The following PCCA variants were observed in gnomAD, a reference collection of about 807,000 sequenced individuals.
The protein encoded by PCCA is propionyl-CoA carboxylase alpha chain, mitochondrial.
In PCCA, 74 loss-of-function variants were observed where a neutral mutation model predicts 101.3. The observed-to-expected ratio is 0.73, with a 90% CI of 0.61 to 0.89. The LOEUF is 0.89. Ranked by LOEUF, PCCA falls within the 40% of genes least tolerant of loss-of-function variation. The probability of loss-of-function intolerance (pLI) is 0.00; values close to 1 mark genes in which losing one functional copy is unlikely to be tolerated. For synonymous variants in PCCA, 294 were observed against 313.6 expected, an observed-to-expected ratio of 0.94 and a Z score of 0.66; for missense variants, 891 against 907.0, an observed-to-expected ratio of 0.98 and a Z score of 0.23.
intron 8 of PCCA, among the ~76,000 whole-genome samples, chr13:100,255,139 T>C (rs1264950247): frequency 1.3e-5 from 2 of 152,148 alleles, no homozygotes; most frequent in Non-Finnish European, 2.9e-5. Flanking sequence ...ATTTTTCTGT[T>C]TGGCTTGTGA....
At chr13:100,110,569 A>G (rs1474283602) in intron 2 of PCCA, among the ~76,000 whole-genome samples, 1 of 152,188 alleles carries the variant, frequency 6.6e-6, no homozygotes. Context: ...TGGTTATTCA[A>G]ACTTAACATT....
At chr13:100,402,425 TAA>T (rs765165811) in intron 19 of PCCA, among the ~76,000 whole-genome samples, 28 of 152,136 alleles carry the variant, frequency 1.8e-4, no homozygotes, top group African/African-American at 5.1e-4. Flanking sequence ...ATTATAAATA[TAA>T]GTTAGATTTT....
intron 12 of PCCA, among the ~76,000 whole-genome samples, chr13:100,300,015 G>C (rs112314517): frequency 0.014 from 2,086 of 152,306 alleles, 23 homozygotes; most frequent in Non-Finnish European, 0.022. Flanking sequence ...CACCCATCCA[G>C]GTTCACCTCT....
chr13:100,202,138 T>C (rs1164634905), intron 6 of PCCA, among the ~76,000 whole-genome samples: 1 of 126,046 alleles, frequency 7.9e-6, no homozygotes, highest in African/African-American at 3.1e-5. Context: ...GAGACCATCA[T>C]AGGCAACATA....
intron 21 of PCCA, among the ~76,000 whole-genome samples, chr13:100,501,873 CAATAAATA>C (rs369191551): frequency 6.7e-5 from 10 of 150,292 alleles, no homozygotes; most frequent in East Asian, 2.0e-4. Flanking sequence ...CACTCCTTCT[CAATAAATA>C]AATAAATAAA....
intron 6 of PCCA, among the ~76,000 whole-genome samples, chr13:100,205,359 T>A (rs1346278555): frequency 6.6e-6 from 1 of 152,192 alleles, no homozygotes; most frequent in Non-Finnish European, 1.5e-5. Flanking sequence ...GAGCCTCTAA[T>A]GTTGCTTTCT....
At chr13:100,313,367 G>C (rs1362044372) in intron 16 of PCCA, among the ~76,000 whole-genome samples, 1 of 152,192 alleles carries the variant, frequency 6.6e-6, no homozygotes, top group Non-Finnish European at 1.5e-5. Flanking sequence ...GGCTAAATGG[G>C]AGACTGAAGT....
intron 21 of PCCA, among the ~76,000 whole-genome samples, chr13:100,483,635 T>C (rs2084135747): frequency 6.6e-6 from 1 of 152,178 alleles, no homozygotes; most frequent in South Asian, 2.1e-4. Context: ...TATTGAGAAA[T>C]AGAAAGTGCT....
intron 4 of PCCA, among the ~76,000 whole-genome samples, chr13:100,119,383 G>A (rs1395309393): frequency 6.6e-6 from 1 of 152,114 alleles, no homozygotes; most frequent in Admixed American, 6.5e-5. Flanking sequence ...TGAATTTCAA[G>A]ATGGTTTGGG....
At chr13:100,102,444 A>T (rs1403449032) in intron 1 of PCCA, among the ~76,000 whole-genome samples, 1 of 152,238 alleles carries the variant, frequency 6.6e-6, no homozygotes, top group Non-Finnish European at 1.5e-5. Flanking sequence ...AAAATGTGAA[A>T]TAAGAAATCA....
chr13:100,151,107 T>C, intron 4 of PCCA: 1 of 1,259,614 alleles, frequency 7.9e-7, no homozygotes, highest in Non-Finnish European at 1.1e-6. Flanking sequence ...TTGGCTTACC[T>C]GATGGCTGCT....
chr13:100,342,414 C>T (rs994273817), intron 18 of PCCA, among the ~76,000 whole-genome samples: 1 of 152,096 alleles, frequency 6.6e-6, no homozygotes. Context: ...CAGGCATACA[C>T]TACCACATCT....
intron 21 of PCCA, chr13:100,491,761 C>T: frequency 8.2e-7 from 1 of 1,222,138 alleles, no homozygotes; most frequent in Non-Finnish European, 1.1e-6. Context: ...TGTACAAGCT[C>T]TTTTGGATTT....
intron 12 of PCCA, among the ~76,000 whole-genome samples, chr13:100,300,168 A>G (rs1397483737): frequency 1.3e-5 from 2 of 152,250 alleles, no homozygotes; most frequent in Non-Finnish European, 2.9e-5. Context: ...AAAAATACAT[A>G]TTTTAAACTA....
chr13:100,527,594 G>T (rs2153008217), intron 22 of PCCA, 81 bp from the exon 23 acceptor site: 1 of 961,656 alleles, frequency 1.0e-6, no homozygotes, highest in South Asian at 1.3e-5. Flanking sequence ...ATTTGACAAA[G>T]AATTTCTTAA....
intron 8 of PCCA, among the ~76,000 whole-genome samples, chr13:100,236,115 G>A (rs1157973395): frequency 6.6e-6 from 1 of 152,162 alleles, no homozygotes; most frequent in East Asian, 1.9e-4. Flanking sequence ...GAGATCACAG[G>A]CTAATTCAAA....
chr13:100,482,206 G>T (rs941635619), intron 21 of PCCA, among the ~76,000 whole-genome samples: 3 of 152,232 alleles, frequency 2.0e-5, no homozygotes, highest in African/African-American at 7.2e-5. Flanking sequence ...GTTTGGTCGT[G>T]AGTGCAAGTG....
intron 21 of PCCA, among the ~76,000 whole-genome samples, chr13:100,453,981 CT>C (rs2081530802): frequency 6.6e-6 from 1 of 152,146 alleles, no homozygotes; most frequent in African/African-American, 2.4e-5. Flanking sequence ...GGCCATTCTC[CT>C]GCCTCAGCCT....
At chr13:100,156,026 A>C (rs1409097422) in intron 5 of PCCA, among the ~76,000 whole-genome samples, 2 of 152,218 alleles carry the variant, frequency 1.3e-5, no homozygotes, top group Non-Finnish European at 2.9e-5. Context: ...ACAGTAGTTT[A>C]AATTCTTCTG....
Sources: allele counts gnomAD v4.1 joint callset (sites outside exome capture counted in the v4.1 genomes callset), GRCh38; gene constraint gnomAD v4.1.1; transcripts MANE v1.5; gene names NCBI Gene and HGNC (gene_info 2026-07-23, HGNC 2026-07-21).